PPP2R2B: variants seen among roughly 807,000 people sequenced by gnomAD.
The protein encoded by PPP2R2B is protein phosphatase 2 regulatory subunit Bbeta.
Under a neutral mutation model 46.0 loss-of-function variants are expected in PPP2R2B, and 5 were observed. The ratio of observed to expected loss-of-function variants is 0.11; its 90% CI spans 0.06 to 0.23. PPP2R2B has a LOEUF of 0.23. Among genes scored for constraint, PPP2R2B ranks in the 10% least tolerant of loss-of-function variants. The pLI is 1.00. For synonymous variants in PPP2R2B, 215 were observed against 206.7 expected (o/e 1.04, Z -0.34); for missense variants, 367 against 575.0 (o/e 0.64, Z 3.70).
intron 1 of PPP2R2B, among the ~76,000 whole-genome samples, chr5:146,949,693 T>A (rs1764592780): frequency 6.6e-6 from 1 of 151,992 alleles, no homozygotes; most frequent in East Asian, 1.9e-4. Context: ...AATCAGTACA[T>A]CAAAGAGCTA....
At chr5:146,839,690 A>G (rs188124065) in intron 2 of PPP2R2B, among the ~76,000 whole-genome samples, 23 of 152,336 alleles carry the variant, frequency 1.5e-4, no homozygotes, top group African/African-American at 5.5e-4. Flanking sequence ...AAAAATCATC[A>G]GCAACTTGGA....
chr5:147,081,215 A>G (rs992909211), intron 1 of PPP2R2B: 2 of 1,535,404 alleles, frequency 1.3e-6, no homozygotes, highest in African/African-American at 1.4e-5. Flanking sequence ...GAAAAGAAAT[A>G]TATAGCAGAA....
At chr5:147,056,734 C>T (rs1295764977), upstream of PPP2R2B, among the ~76,000 whole-genome samples, 1 of 152,114 alleles carries the variant, frequency 6.6e-6, no homozygotes, top group Non-Finnish European at 1.5e-5. Flanking sequence ...TATTTAAGGA[C>T]ATGACCAACC....
intron 5 of PPP2R2B, among the ~76,000 whole-genome samples, chr5:146,676,230 T>C (rs1466711974): frequency 6.6e-6 from 1 of 152,106 alleles, no homozygotes; most frequent in Admixed American, 6.5e-5. Flanking sequence ...TGCAGAACAT[T>C]TAGCTATCTG....
intron 2 of PPP2R2B, among the ~76,000 whole-genome samples, chr5:146,791,639 A>T (rs1441982445): frequency 6.6e-6 from 1 of 152,216 alleles, no homozygotes; most frequent in Non-Finnish European, 1.5e-5. Context: ...AAACATTTTC[A>T]TACCTCTGTG....
chr5:147,080,804 A>C (rs1481274310), intron 2 of PPP2R2B, among the ~76,000 whole-genome samples: 1 of 152,176 alleles, frequency 6.6e-6, no homozygotes, highest in East Asian at 1.9e-4. Context: ...AGGCTTGCCT[A>C]GTTTAGCCTC....
At chr5:146,802,767 G>T (rs1756941671) in intron 2 of PPP2R2B, among the ~76,000 whole-genome samples, 2 of 152,226 alleles carry the variant, frequency 1.3e-5, no homozygotes, top group East Asian at 3.9e-4. Context: ...ATATAGTGAG[G>T]TCTTTCCATA....
At chr5:146,807,776 C>CCTT (rs1757269168) in intron 2 of PPP2R2B, among the ~76,000 whole-genome samples, 11 of 36,928 alleles carry the variant, frequency 3.0e-4, no homozygotes, top group African/African-American at 8.6e-4. Flanking sequence ...GGGGTGCCTT[C>CCTT]TTTTTTTTTT....
At chr5:146,812,816 T>TATATATGC (rs1757698366) in intron 2 of PPP2R2B, among the ~76,000 whole-genome samples, 1 of 59,356 alleles carries the variant, frequency 1.7e-5, no homozygotes, top group Non-Finnish European at 3.0e-5. Flanking sequence ...TATATATATA[T>TATATATGC]ATATATATAT....
At chr5:146,709,886 A>T (rs1156487127) in intron 2 of PPP2R2B, among the ~76,000 whole-genome samples, 4 of 152,188 alleles carry the variant, frequency 2.6e-5, no homozygotes, top group African/African-American at 9.7e-5. Context: ...TCATGCTACT[A>T]TACATGTCTT....
chr5:146,715,014 T>C (rs1780415148), intron 2 of PPP2R2B, among the ~76,000 whole-genome samples: 1 of 152,230 alleles, frequency 6.6e-6, no homozygotes, highest in East Asian at 1.9e-4. Context: ...AGAAATCTAC[T>C]ACAAGATCAC....
intron 1 of PPP2R2B, among the ~76,000 whole-genome samples, chr5:146,937,152 T>A (rs901319883): frequency 3.3e-5 from 5 of 151,946 alleles, no homozygotes; most frequent in Non-Finnish European, 7.4e-5. Flanking sequence ...AAATACAAAA[T>A]TAGCTGGGCG....
chr5:146,908,687 C>T (rs1763081749), intron 1 of PPP2R2B, among the ~76,000 whole-genome samples: 1 of 152,070 alleles, frequency 6.6e-6, no homozygotes, highest in African/African-American at 2.4e-5. Context: ...AGAAACTTCC[C>T]AAAGGCCCTA....
chr5:147,025,686 T>C (rs1755496393), intron 1 of PPP2R2B, among the ~76,000 whole-genome samples: 1 of 152,002 alleles, frequency 6.6e-6, no homozygotes, highest in African/African-American at 2.4e-5. Flanking sequence ...TAAAAGGACT[T>C]GGATCTAGAA....
chr5:146,619,097 A>G (rs148367153), intron 7 of PPP2R2B, among the ~76,000 whole-genome samples: 222 of 152,138 alleles, frequency 1.5e-3, no homozygotes, highest in East Asian at 5.2e-3. Flanking sequence ...TGACCCATCT[A>G]CTACTCATTT....
intron 1 of PPP2R2B, among the ~76,000 whole-genome samples, chr5:146,928,950 T>C (rs938318931): frequency 7.2e-5 from 11 of 152,208 alleles, no homozygotes; most frequent in Non-Finnish European, 1.6e-4. Flanking sequence ...CCGGAAAACA[T>C]GATACTGGCT....
At chr5:147,077,241 A>T (rs1408853303) in intron 2 of PPP2R2B, among the ~76,000 whole-genome samples, 1 of 146,402 alleles carries the variant, frequency 6.8e-6, no homozygotes, top group East Asian at 2.0e-4. Flanking sequence ...AATATAATAT[A>T]TACATATACG....
intron 2 of PPP2R2B, among the ~76,000 whole-genome samples, chr5:146,828,889 C>T (rs935795117): frequency 6.6e-6 from 1 of 152,158 alleles, no homozygotes; most frequent in African/African-American, 2.4e-5. Flanking sequence ...TAAAATGATA[C>T]CAAGTAACCA....
chr5:146,903,203 T>G (rs937163386), intron 1 of PPP2R2B, among the ~76,000 whole-genome samples: 1 of 152,198 alleles, frequency 6.6e-6, no homozygotes, highest in Non-Finnish European at 1.5e-5. Context: ...GAGTTTATTA[T>G]TGTTATTTTT....
Sources: allele counts gnomAD v4.1 joint callset (sites outside exome capture counted in the v4.1 genomes callset), GRCh38; gene constraint gnomAD v4.1.1; transcripts MANE v1.5; gene names NCBI Gene and HGNC (gene_info 2026-07-23, HGNC 2026-07-21).